Variants in CLIC2 observed in about 807,000 individuals in gnomAD.
The protein encoded by CLIC2 is CLIC family member 2.
A neutral mutation model predicts 14.8 loss-of-function variants in CLIC2; 9 were observed. The ratio of observed to expected loss-of-function variants is 0.61; its 90% CI spans 0.37 to 1.06. CLIC2 has a LOEUF of 1.06. Ranked by LOEUF, CLIC2 falls within the 50% of genes least tolerant of loss-of-function variation. The pLI is 0.01. For missense variants in CLIC2, 148 were observed against 181.4 expected, an observed-to-expected ratio of 0.82 and a Z score of 1.06; for synonymous variants, 61 against 66.3, an observed-to-expected ratio of 0.92 and a Z score of 0.39.
intron 3 of CLIC2, among the ~76,000 whole-genome samples, chrX:155,286,694 TG>T (rs1424311918): frequency 8.9e-6 from 1 of 112,562 alleles, no homozygotes; most frequent in Admixed American, 9.4e-5. Context: ...TTGTGTGAGA[TG>T]GTATATCATT....
Position 155,277,072 on chromosome X carries a change from G to A in CLIC2, c.*831C>T, listed in dbSNP as rs1309855803. On this transcript the variant is annotated 3_prime_UTR_variant, in exon 6 of 6. Transcript: ENST00000369449. ...TACTTTAACAAGTGAATCTGAATACGTATAGTAATGTAACATTTTAACTTT... is the reference window on the plus strand; with the variant it reads ...TACTTTAACAAGTGAATCTGAATACATATAGTAATGTAACATTTTAACTTT... 8.9e-6 allele frequency: 1 copy of A among 112,132 alleles called. No homozygotes were observed. The highest frequency in any genetic ancestry group is 3.2e-5 in the African/African-American group (1 of 31,001). 9.2% of individuals were successfully genotyped at this position (112,132 alleles called of 1,213,427 possible).
intron 1 of CLIC2, among the ~76,000 whole-genome samples, chrX:155,324,440 G>C (rs146090688): frequency 8.1e-5 from 9 of 111,509 alleles, no homozygotes; most frequent in African/African-American, 2.9e-4. Flanking sequence ...GAACACAACA[G>C]AGACCTCAGA....
chrX:155,279,347 A>G lies in CLIC2; in HGVS notation c.401-17T>C. 1 of 1,150,112 alleles carries G rather than the reference A, an allele frequency of 8.7e-7. No individual in the cohort carries two copies. The allele number at this position is 1,150,112 out of a possible 1,213,427, so 94.8% of individuals were successfully genotyped here. ...TTTCAAAATCTGAGGCAATGAAGTA[A>G]TAGAGTTACTTGTAAATGTATTGTC... On this transcript the variant is annotated splice_polypyrimidine_tract_variant and intron_variant, in intron 4 of 5. Coordinates refer to ENST00000369449, the MANE Select transcript of CLIC2 (RefSeq NM_001289.6).
chrX:155,325,163 A>G (rs1464322757), intron 1 of CLIC2, among the ~76,000 whole-genome samples: 1 of 112,053 alleles, frequency 8.9e-6, no homozygotes, highest in Non-Finnish European at 1.9e-5. Context: ...GTTAGTAGGA[A>G]TGTCAATTAG....
Position 155,299,165 on chromosome X carries a change from C to T in CLIC2, c.58-20G>A. On this transcript the variant is annotated intron_variant, in intron 1 of 5. Coordinates refer to ENST00000369449, the MANE Select transcript of CLIC2 (RefSeq NM_001289.6). ...TCCAGCCTATTAAGATAAAGAGAGA[C>T]CTCAGTTCATTTGTTTGTTCAATAA... The T allele has an allele frequency of 8.9e-7, 1 of 1,123,075 alleles. No homozygotes were observed. 92.6% of individuals were successfully genotyped at this position (1,123,075 alleles called of 1,213,427 possible).
chrX:155,330,756 C>T (rs1288628009), intron 1 of CLIC2, among the ~76,000 whole-genome samples: 3 of 110,538 alleles, frequency 2.7e-5, no homozygotes, highest in Non-Finnish European at 5.7e-5. Flanking sequence ...TGGGAAGAAG[C>T]ACCTGAGAGA....
chrX:155,333,443 A>C (rs782007054), intron 1 of CLIC2, among the ~76,000 whole-genome samples: 1 of 110,804 alleles, frequency 9.0e-6, no homozygotes, highest in Non-Finnish European at 1.9e-5. Flanking sequence ...CCTATCTCCT[A>C]AGTTGTTAGG....
At chrX:155,305,403 A>G (rs886412687) in intron 1 of CLIC2, among the ~76,000 whole-genome samples, 30 of 112,768 alleles carry the variant, frequency 2.7e-4, no homozygotes, top group African/African-American at 6.4e-4. Flanking sequence ...TGCTCTTCCC[A>G]AGTGAGGCAA....
intron 3 of CLIC2, among the ~76,000 whole-genome samples, chrX:155,281,877 G>A (rs2074920984): frequency 9.0e-6 from 1 of 111,059 alleles, no homozygotes; most frequent in Admixed American, 9.6e-5. Flanking sequence ...TGGTCTACAA[G>A]GACCCACATG....
chrX:155,313,310 T>G (rs1309925500), intron 1 of CLIC2, among the ~76,000 whole-genome samples: 2 of 110,339 alleles, frequency 1.8e-5, no homozygotes, highest in Non-Finnish European at 3.8e-5. Flanking sequence ...CAGTGTGACA[T>G]TTTCTTAAAG....
chrX:155,291,944 C>A (rs1313726016), intron 3 of CLIC2, among the ~76,000 whole-genome samples: 6 of 112,125 alleles, frequency 5.4e-5, no homozygotes, highest in Non-Finnish European at 9.4e-5. Flanking sequence ...CGCAGCCCCG[C>A]GGCCATGCGA....
intron 3 of CLIC2, among the ~76,000 whole-genome samples, chrX:155,287,323 TTTTC>T (rs1171809916): frequency 1.8e-5 from 2 of 111,408 alleles, no homozygotes; most frequent in African/African-American, 3.3e-5. Context: ...GTGCCTGTTT[TTTTC>T]TTTCTTTCTT....
intron 3 of CLIC2, chrX:155,292,576 C>T: frequency 2.6e-6 from 1 of 380,552 alleles, no homozygotes; most frequent in Non-Finnish European, 4.6e-6. Context: ...CGAGACCATC[C>T]TGGCTAACAC....
At chrX:155,308,906 G>C (rs975789437) in intron 1 of CLIC2, among the ~76,000 whole-genome samples, 3 of 111,553 alleles carry the variant, frequency 2.7e-5, no homozygotes, top group Non-Finnish European at 5.6e-5. Context: ...TACAAGAAAT[G>C]CTAAAGGGAG....
At chrX:155,309,865 A>T (rs1557320378) in intron 1 of CLIC2, among the ~76,000 whole-genome samples, 1 of 111,566 alleles carries the variant, frequency 9.0e-6, no homozygotes, top group Non-Finnish European at 1.9e-5. Flanking sequence ...GGCCCCTCCC[A>T]AATCTCATGT....
At chrX:155,317,017 C>G (rs2075097479) in intron 1 of CLIC2, among the ~76,000 whole-genome samples, 1 of 111,372 alleles carries the variant, frequency 9.0e-6, no homozygotes, top group African/African-American at 3.3e-5. Flanking sequence ...CAATACTTTG[C>G]ATCCTTCAAT....
At chrX:155,279,523 T>C (rs111710309) in intron 4 of CLIC2, among the ~76,000 whole-genome samples, 193 bp from the exon 5 acceptor site, 5,161 of 111,865 alleles carry the variant, frequency 0.046, 287 homozygotes, top group African/African-American at 0.16. Context: ...ATAGTGAGTG[T>C]TAATCTTTTG....
intron 1 of CLIC2, among the ~76,000 whole-genome samples, chrX:155,320,262 G>A (rs2075109641): frequency 8.9e-6 from 1 of 112,206 alleles, no homozygotes; most frequent in African/African-American, 3.2e-5. Context: ...CCTCCTGACT[G>A]GGAGACTCCT....
intron 3 of CLIC2, among the ~76,000 whole-genome samples, chrX:155,285,982 T>TA (rs781941364): frequency 2.7e-5 from 3 of 110,634 alleles, no homozygotes; most frequent in African/African-American, 6.6e-5. Context: ...TTTATTTCAT[T>TA]AAAAAAATTT....
Sources: allele counts gnomAD v4.1 joint callset (sites outside exome capture counted in the v4.1 genomes callset), GRCh38; gene constraint gnomAD v4.1.1; transcripts MANE v1.5; gene names NCBI Gene and HGNC (gene_info 2026-07-23, HGNC 2026-07-21).